Variants in TMEM144 observed in about 807,000 individuals in gnomAD.
TMEM144 encodes the protein transmembrane protein 144.
A neutral mutation model predicts 43.6 loss-of-function variants in TMEM144; 39 were observed. The ratio of observed to expected loss-of-function variants is 0.90; its 90% CI spans 0.69 to 1.17. The LOEUF (loss-of-function observed/expected upper bound fraction) is 1.17. TMEM144 is among the 50% of genes most tolerant of loss of function. TMEM144 has a pLI of 0.00. For missense variants in TMEM144, 417 were observed against 411.9 expected, an observed-to-expected ratio of 1.01 and a Z score of -0.11; for synonymous variants, 154 against 133.6, an observed-to-expected ratio of 1.15 and a Z score of -1.06.
chr4:158,218,187 T>G (rs1734327186), intron 5 of TMEM144, among the ~76,000 whole-genome samples: 1 of 152,178 alleles, frequency 6.6e-6, no homozygotes, highest in Admixed American at 6.6e-5. Flanking sequence ...CCTCCAGTTT[T>G]TTGGTTGCAC....
intron 12 of TMEM144, among the ~76,000 whole-genome samples, chr4:158,246,498 T>TA (rs1247009312): frequency 6.6e-6 from 1 of 152,194 alleles, no homozygotes; most frequent in African/African-American, 2.4e-5. Context: ...TTCTCAGATT[T>TA]AAAAAATAAT....
intron 5 of TMEM144, 137 bp downstream of exon 5, chr4:158,217,557 G>A (rs1034832487): frequency 1.3e-5 from 8 of 593,946 alleles, no homozygotes; most frequent in Non-Finnish European, 2.4e-5. Context: ...CATCATATAT[G>A]CCACCTTCTA....
At chr4:158,244,404 G>A in intron 12 of TMEM144, 55 bp downstream of exon 12, 2 of 1,461,884 alleles carry the variant, frequency 1.4e-6, no homozygotes, top group South Asian at 1.2e-5. Context: ...GCCGGGCGTG[G>A]TGGCTCACGC....
chr4:158,245,941 A>G (rs1735871365), intron 12 of TMEM144, among the ~76,000 whole-genome samples: 1 of 151,950 alleles, frequency 6.6e-6, no homozygotes, highest in African/African-American at 2.4e-5. Context: ...AAAAAAGAAA[A>G]AGAAAAAAAA....
intron 5 of TMEM144, among the ~76,000 whole-genome samples, 184 bp from the exon 6 acceptor site, chr4:158,219,126 T>A (rs1028883256): frequency 1.1e-4 from 17 of 152,110 alleles, no homozygotes; most frequent in Non-Finnish European, 1.3e-4. Context: ...AAAAAATTTT[T>A]TTTTAATTTA....
rs190267484 is a variant in TMEM144 at position 158,238,420 on chromosome 4, C to T, written c.682+777C>T. On this transcript the variant is annotated intron_variant, in intron 9 of 12. Transcript: ENST00000296529. ...ACAGAATGGATAGACTGAGTAGATGCCATAATTTCCATCTTCCTTTTTATA... is the reference window on the plus strand; with the variant it reads ...ACAGAATGGATAGACTGAGTAGATGTCATAATTTCCATCTTCCTTTTTATA... Among the ~76,000 whole-genome samples, 179 of 152,208 alleles carry T rather than the reference C, an allele frequency of 1.2e-3. 1 individual carries two copies. Among genetic ancestry groups the T allele is most frequent in the African/African-American group, 4.1e-3 (171 of 41,530 alleles).
chr4:158,223,827 G>A (rs941213605), intron 6 of TMEM144, among the ~76,000 whole-genome samples: 26 of 152,152 alleles, frequency 1.7e-4, no homozygotes, highest in African/African-American at 6.0e-4. Context: ...GGGCATTTGG[G>A]TTGGTTTCAT....
chr4:158,243,221 T>C (rs1735712575), intron 11 of TMEM144, among the ~76,000 whole-genome samples: 1 of 152,190 alleles, frequency 6.6e-6, no homozygotes, highest in African/African-American at 2.4e-5. Flanking sequence ...AAAAGACCCA[T>C]ATGCTTCTTG....
chr4:158,224,874 G>T (rs1734684933), intron 6 of TMEM144, among the ~76,000 whole-genome samples: 1 of 152,096 alleles, frequency 6.6e-6, no homozygotes, highest in Non-Finnish European at 1.5e-5. Context: ...GTTTAAGGGT[G>T]GTCTCAGAGG....
chr4:158,228,274 G>A (rs543430607), intron 6 of TMEM144, among the ~76,000 whole-genome samples: 1 of 150,780 alleles, frequency 6.6e-6, no homozygotes, highest in East Asian at 2.0e-4. Flanking sequence ...CAAAATCAAA[G>A]TGCCGATAAA....
intron 12 of TMEM144, among the ~76,000 whole-genome samples, chr4:158,247,459 CAATTTATTGGTGACAAAAATTA>C (rs1161784980): frequency 2.0e-5 from 3 of 151,656 alleles, no homozygotes; most frequent in Non-Finnish European, 4.4e-5. Flanking sequence ...ATTGTGATTT[CAATTTATTGGTGACAAAAATTA>C]AAAATTAAAA....
intron 5 of TMEM144, among the ~76,000 whole-genome samples, chr4:158,218,988 C>CTGTA (rs1560822028): frequency 6.6e-6 from 1 of 152,098 alleles, no homozygotes; most frequent in African/African-American, 2.4e-5. Flanking sequence ...TAACAGGCAC[C>CTGTA]TGTAGTCCCA....
chr4:158,241,538 G>A lies in TMEM144; in HGVS notation c.832G>A (p.Ala278Thr). The A allele has an allele frequency of 6.2e-7, 1 of 1,613,992 alleles. No individual in the cohort carries two copies. Among genetic ancestry groups the A allele is most frequent in the Non-Finnish European group, 8.5e-7 (1 of 1,179,874 alleles). The change falls in exon 11 of 13, where the codon GCT (alanine) becomes ACT (threonine). Residue 278 changes from alanine to threonine, a missense_variant. Physicochemically the swap from Ala to Thr is moderately conservative, Grantham distance 58. Coordinates refer to ENST00000296529, the MANE Select transcript of TMEM144 (RefSeq NM_018342.5). ...GFLSGVLWAI[A>T]TCCWFIANHS... The stretch of plus-strand genomic sequence containing the variant: ...CCTGTCAGGAGTACTTTGGGCTATA[G>A]CTACCTGCTGTTGGTTCATAGCAAA...
chr4:158,254,041 G>T lies in TMEM144; in HGVS notation c.*514G>T, dbSNP rs911899618. On this transcript the variant is annotated 3_prime_UTR_variant, in exon 13 of 13. Transcript: ENST00000296529. Reference sequence around the variant, plus strand: ...TAGTTGGTAACTAAATGTTAAAAAGGCCATTTTATTATTGTTAGCCAAAAC... The same window carrying T: ...TAGTTGGTAACTAAATGTTAAAAAGTCCATTTTATTATTGTTAGCCAAAAC... 2 of 152,284 alleles carry T rather than the reference G, an allele frequency of 1.3e-5. No individual in the cohort carries two copies. Among genetic ancestry groups the T allele is most frequent in the East Asian group, 1.9e-4 (1 of 5,188 alleles). The allele number at this position is 152,284 out of a possible 1,614,324, so 9.4% of individuals were successfully genotyped here.
At chr4:158,218,546 G>A (rs984575144) in intron 5 of TMEM144, among the ~76,000 whole-genome samples, 1 of 151,562 alleles carries the variant, frequency 6.6e-6, no homozygotes, top group Admixed American at 6.6e-5. Flanking sequence ...CTTGCCCCTG[G>A]ATGGTTCTCA....
intron 6 of TMEM144, among the ~76,000 whole-genome samples, chr4:158,227,306 C>T (rs1734823502): frequency 6.6e-6 from 1 of 151,880 alleles, no homozygotes; most frequent in Non-Finnish European, 1.5e-5. Context: ...AAGCAGTTGC[C>T]GCTACAGACT....
chr4:158,214,602 C>T (rs1458816237), intron 3 of TMEM144, among the ~76,000 whole-genome samples: 1 of 152,144 alleles, frequency 6.6e-6, no homozygotes, highest in Non-Finnish European at 1.5e-5. Context: ...GTATAGAAAG[C>T]AGAGTAACCT....
rs1436722024 is a variant in TMEM144, at chr4:158,235,385, T to C, written c.496-53T>C. On this transcript the variant is annotated intron_variant, in intron 7 of 12. Coordinates refer to ENST00000296529, the MANE Select transcript of TMEM144 (RefSeq NM_018342.5). ...AGCACTAGAAATATTGTCACCAGTGTGATTATCAATTGAATGTTCTTTTGT... is the reference window on the plus strand; with the variant it reads ...AGCACTAGAAATATTGTCACCAGTGCGATTATCAATTGAATGTTCTTTTGT... The C allele has an allele frequency of 2.5e-6, 4 of 1,571,940 alleles. No homozygotes were observed. The African/African-American group carries it at 4.1e-5, about 16-fold the overall frequency.
At chr4:158,216,540 A>G (rs892270609) in intron 4 of TMEM144, among the ~76,000 whole-genome samples, 1 of 152,162 alleles carries the variant, frequency 6.6e-6, no homozygotes, top group African/African-American at 2.4e-5. Flanking sequence ...TTGGAGAATA[A>G]TATTAAAACC....
Sources: allele counts gnomAD v4.1 joint callset (sites outside exome capture counted in the v4.1 genomes callset), GRCh38; gene constraint gnomAD v4.1.1; transcripts MANE v1.5; gene names NCBI Gene and HGNC (gene_info 2026-07-23, HGNC 2026-07-21).